The following STAT1 variants were observed in gnomAD, a reference collection of about 807,000 sequenced individuals.
STAT1 encodes the protein signal transducer and activator of transcription 1.
STAT1 carries 24 observed loss-of-function variants against 111.7 expected under a neutral mutation model. That is an observed-to-expected ratio of 0.21 (90% confidence interval 0.16 to 0.30). The LOEUF (loss-of-function observed/expected upper bound fraction) is 0.30, where lower values mean the gene tolerates loss of function less well. STAT1 is among the 10% of genes least tolerant of loss of function. The pLI is 1.00. For synonymous variants in STAT1, 332 were observed against 326.5 expected, an observed-to-expected ratio of 1.02 and a Z score of -0.18; for missense variants, 351 against 911.9, an observed-to-expected ratio of 0.38 and a Z score of 7.92.
Position 190,974,813 on chromosome 2 carries a change from C to CCAG in STAT1, c.2238+14_2238+16dup. 6.2e-7 allele frequency: 1 copy of CCAG among 1,605,806 alleles called. No homozygotes were observed. Among genetic ancestry groups the CCAG allele is most frequent in the Non-Finnish European group, 8.5e-7 (1 of 1,172,514 alleles). ...ACACTTATTGAGAGCTACACACAGG[C>CCAG]CAGCCGTGGTACTCACCATACTGTC... On this transcript the variant is annotated intron_variant, in intron 24 of 24. Transcript: ENST00000361099. The surrounding 1 kb of genome is among the most constrained non-coding windows in gnomAD (Gnocchi z 4.8).
Position 191,009,118 on chromosome 2 carries a change from T to C in STAT1, c.129-11A>G, listed in dbSNP as rs1694930323. ...TTGGCAGCGTGCTCCCTAGGAGATT[T>C]AACATTTACACATTTCATTCTAGAA... On this transcript the variant is annotated splice_polypyrimidine_tract_variant and intron_variant, in intron 3 of 24. Coordinates refer to ENST00000361099, the MANE Select transcript of STAT1 (RefSeq NM_007315.4). 6.2e-7 allele frequency: 1 copy of C among 1,614,026 alleles called. No homozygotes were observed. The highest frequency in any genetic ancestry group is 8.5e-7 in the Non-Finnish European group (1 of 1,179,904).
chr2:190,993,998 G>A lies in STAT1; in HGVS notation c.944+1063C>T, dbSNP rs903528880. 6.6e-6 allele frequency among the ~76,000 whole-genome samples: 1 copy of A among 152,128 alleles called. No individual in the cohort carries two copies. Among genetic ancestry groups the A allele is most frequent in the Non-Finnish European group, 1.5e-5 (1 of 68,032 alleles). ...AATACATAACAACTATATAACAAAA[G>A]GCAGAGTAGGAAAGGAACGAAGGGT... On this transcript the variant is annotated intron_variant, in intron 10 of 24. Coordinates refer to ENST00000361099, the MANE Select transcript of STAT1 (RefSeq NM_007315.4). The surrounding 1 kb of genome is among the most constrained non-coding windows in gnomAD (Gnocchi z 4.1).
chr2:191,005,343 A>G (rs1019284983), intron 5 of STAT1, among the ~76,000 whole-genome samples: 6 of 152,220 alleles, frequency 3.9e-5, no homozygotes, highest in Non-Finnish European at 8.8e-5. Flanking sequence ...GAATATACAC[A>G]GTCATGTACC....
Position 190,976,767 on chromosome 2 carries a change from G to A in STAT1, c.2059+73C>T. The A allele has an allele frequency of 1.3e-5, 17 of 1,322,768 alleles. No individual in the cohort carries two copies. The highest frequency in any genetic ancestry group is 1.7e-5 in the Non-Finnish European group (16 of 916,002). 81.9% of individuals were successfully genotyped at this position (1,322,768 alleles called of 1,614,324 possible). On this transcript the variant is annotated intron_variant, in intron 22 of 24. Transcript: ENST00000361099. This position sits in a 1 kb window ranked among gnomAD's most constrained non-coding sequence, Gnocchi z 6.0. ...TTCGAAAGCAAAACACTGCATGGGT[G>A]GAGTTTCAGAATAATCACCCCCTCA...
chr2:190,981,489 G>A lies in STAT1; in HGVS notation c.1583-820C>T, dbSNP rs1423792010. ...TAAGCCCATTATCGGTCTTCAAAGA[G>A]AACTACAAATGAGCCATTACAGCTA... On this transcript the variant is annotated intron_variant, in intron 18 of 24. Transcript: ENST00000361099. This position sits in a 1 kb window ranked among gnomAD's most constrained non-coding sequence, Gnocchi z 4.1. Among the ~76,000 whole-genome samples the A allele has an allele frequency of 2.0e-5, 3 of 152,150 alleles. No individual in the cohort carries two copies. Among genetic ancestry groups the A allele is most frequent in the Admixed American group, 6.5e-5 (1 of 15,286 alleles).
At chr2:191,005,092 C>G (rs1309735065) in intron 5 of STAT1, among the ~76,000 whole-genome samples, 2 of 152,332 alleles carry the variant, frequency 1.3e-5, no homozygotes, top group East Asian at 3.8e-4. Flanking sequence ...AATTTCCCAT[C>G]TCGGCATGTC....
chr2:190,994,927 A>AAAAAAAATATATATATAT (rs1165918318), intron 10 of STAT1, 134 bp downstream of exon 10: 1 of 134,084 alleles, frequency 7.5e-6, no homozygotes, highest in African/African-American at 4.0e-5. Flanking sequence ...AAAAAAAAAA[A>AAAAAAAATATATATATAT]ATATATATAT....
In STAT1 at chr2:190,970,556, T is replaced by C; in HGVS notation, c.*147A>G. On this transcript the variant is annotated 3_prime_UTR_variant, in exon 25 of 25. Coordinates refer to ENST00000361099, the MANE Select transcript of STAT1 (RefSeq NM_007315.4). This position sits in a 1 kb window ranked among gnomAD's most constrained non-coding sequence, Gnocchi z 5.4. ...CTGATGTTTCTGAGTTAGAGAAAAATTCACTTGCTATCAACAGGTTGCAGC... is the reference window on the plus strand; with the variant it reads ...CTGATGTTTCTGAGTTAGAGAAAAACTCACTTGCTATCAACAGGTTGCAGC... 1.2e-6 allele frequency: 1 copy of C among 844,236 alleles called. No homozygotes were observed. Among genetic ancestry groups the C allele is most frequent in the East Asian group, 2.6e-5 (1 of 38,240 alleles). The allele number at this position is 844,236 out of a possible 1,614,324, so 52.3% of individuals were successfully genotyped here. A position where few individuals can be genotyped will look rare whatever the true frequency, so the allele number is the denominator to read the frequency against.
intron 4 of STAT1, chr2:191,008,090 C>T (rs754369459): frequency 4.4e-5 from 19 of 433,928 alleles, no homozygotes; most frequent in Non-Finnish European, 6.9e-5. Flanking sequence ...TTTCTGTTGC[C>T]ATTGTCAAAG....
Position 190,999,593 on chromosome 2 carries a change from C to T in STAT1, c.541+33G>A. The T allele has an allele frequency of 6.5e-7, 1 of 1,528,036 alleles. No individual in the cohort carries two copies. Among genetic ancestry groups the T allele is most frequent in the South Asian group, 1.1e-5 (1 of 89,276 alleles). The allele number at this position is 1,528,036 out of a possible 1,614,324, so 94.7% of individuals were successfully genotyped here. A position where few individuals can be genotyped will look rare whatever the true frequency, so the allele number is the denominator to read the frequency against. ...CTAGTGTGAACAGAAAAAATTGCAGCCAACGGGCACCACTTCAGTTGTGAA... is the reference window on the plus strand; with the variant it reads ...CTAGTGTGAACAGAAAAAATTGCAGTCAACGGGCACCACTTCAGTTGTGAA... On this transcript the variant is annotated intron_variant, in intron 7 of 24. Coordinates refer to ENST00000361099, the MANE Select transcript of STAT1 (RefSeq NM_007315.4). This position sits in a 1 kb window ranked among gnomAD's most constrained non-coding sequence, Gnocchi z 4.1.
rs1249977133 is a variant in STAT1, at chr2:190,982,551, C to G, written c.1447-33G>C. On this transcript the variant is annotated intron_variant, in intron 17 of 24. Coordinates refer to ENST00000361099, the MANE Select transcript of STAT1 (RefSeq NM_007315.4). The surrounding 1 kb of genome is among the most constrained non-coding windows in gnomAD (Gnocchi z 7.3). The stretch of plus-strand genomic sequence containing the variant: ...GAAAACACCCAAAATCTAAGGGTTA[C>G]TACAGAGACACCAGTCACAAGTGTG... 1 of 1,613,024 alleles carries G rather than the reference C, an allele frequency of 6.2e-7. No individual in the cohort carries two copies. Among genetic ancestry groups the G allele is most frequent in the African/African-American group, 1.3e-5 (1 of 74,872 alleles).
chr2:190,971,334 A>G lies in STAT1; in HGVS notation c.2239-617T>C, dbSNP rs567214676. Among the ~76,000 whole-genome samples the G allele has an allele frequency of 1.3e-5, 2 of 152,242 alleles. No homozygotes were observed. The highest frequency in any genetic ancestry group is 1.9e-4 in the East Asian group (1 of 5,186). On this transcript the variant is annotated intron_variant, in intron 24 of 24. Transcript: ENST00000361099. The surrounding 1 kb of genome is among the most constrained non-coding windows in gnomAD (Gnocchi z 4.1). ...TTTCCCCTTAGACCAGATGCTTTCA[A>G]TCGAGGATGATTCTGTCCCCTGGCA... is the stretch of plus-strand genomic sequence containing the variant.
chr2:190,993,470 A>T lies in STAT1; in HGVS notation c.944+1591T>A. 1 of 1,217,798 alleles carries T rather than the reference A, an allele frequency of 8.2e-7. No homozygotes were observed. Among genetic ancestry groups the T allele is most frequent in the Non-Finnish European group, 1.2e-6 (1 of 841,648 alleles). 75.4% of individuals were successfully genotyped at this position (1,217,798 alleles called of 1,614,324 possible). A position where few individuals can be genotyped will look rare whatever the true frequency, so the allele number is the denominator to read the frequency against. ...GATGTAGCTTTCTGTATATGTTATC[A>T]TCTGCAAACCTAAGAAGGAGGCAAG... On this transcript the variant is annotated intron_variant, in intron 10 of 24. Coordinates refer to ENST00000361099, the MANE Select transcript of STAT1 (RefSeq NM_007315.4). The surrounding 1 kb of genome is among the most constrained non-coding windows in gnomAD (Gnocchi z 4.1).
chr2:191,005,210 T>C (rs974369113), intron 5 of STAT1, among the ~76,000 whole-genome samples: 3 of 152,200 alleles, frequency 2.0e-5, no homozygotes. Context: ...TTTCAACAAT[T>C]AGCATTCATG....
chr2:190,992,229 A>C (rs1219836788), intron 10 of STAT1, among the ~76,000 whole-genome samples: 1 of 152,198 alleles, frequency 6.6e-6, no homozygotes, highest in Non-Finnish European at 1.5e-5. Context: ...ATAACATCTC[A>C]CTAAACTTTA....
In STAT1 at chr2:190,974,757, G is replaced by A. The variant is rs2124992616; in HGVS notation, c.2238+73C>T. ...CCTCCCGCAGACAGGCCCGGGATCTGCCATGGTGCGCTCCCTGCCTCTGAG... is the reference window on the plus strand; with the variant it reads ...CCTCCCGCAGACAGGCCCGGGATCTACCATGGTGCGCTCCCTGCCTCTGAG... On this transcript the variant is annotated intron_variant, in intron 24 of 24. Transcript: ENST00000361099. The surrounding 1 kb of genome is among the most constrained non-coding windows in gnomAD (Gnocchi z 4.8). 1 of 1,345,488 alleles carries A rather than the reference G, an allele frequency of 7.4e-7. No homozygotes were observed. The highest frequency in any genetic ancestry group is 1.1e-6 in the Non-Finnish European group (1 of 937,100). 83.3% of individuals were successfully genotyped at this position (1,345,488 alleles called of 1,614,324 possible).
In STAT1 at chr2:190,980,690, T is replaced by G; in HGVS notation, c.1583-21A>C. On this transcript the variant is annotated intron_variant, in intron 18 of 24. Transcript: ENST00000361099. The surrounding 1 kb of genome is among the most constrained non-coding windows in gnomAD (Gnocchi z 6.1). ...AGGACCTAAACAAATAAAAACCAGA[T>G]TTTTCAGCAAACAGAAACTGATTCT... 1 of 1,613,700 alleles carries G rather than the reference T, an allele frequency of 6.2e-7. No homozygotes were observed. The highest frequency in any genetic ancestry group is 8.5e-7 in the Non-Finnish European group (1 of 1,179,640).
intron 24 of STAT1, among the ~76,000 whole-genome samples, chr2:190,972,433 T>C (rs1691562453): frequency 6.6e-6 from 1 of 152,202 alleles, no homozygotes; most frequent in African/African-American, 2.4e-5. Context: ...TCTGGCTCTC[T>C]TGGACAATTT....
At chr2:190,972,816 G>GGT (rs34975356) in intron 24 of STAT1, among the ~76,000 whole-genome samples, 44,117 of 136,170 alleles carry the variant, frequency 0.32, 6,980 homozygotes, top group East Asian at 0.42. Flanking sequence ...GTGTATAGAG[G>GGT]GTGTGTGTGT....
Sources: gnomAD v4.1 joint callset for allele counts (sites outside exome capture counted in the v4.1 genomes callset) on GRCh38, gnomAD v4.1.1 for gene constraint, Gnocchi (gnomAD v3.1) non-coding constraint, MANE v1.5 for transcripts, NCBI Gene and HGNC (gene_info 2026-07-23, HGNC 2026-07-21) for gene names.